The following ZNF541 variants were observed in gnomAD, a reference collection of about 807,000 sequenced individuals.
ZNF541 encodes zinc finger protein 541.
ZNF541 carries 23 observed loss-of-function variants against 123.5 expected under a neutral mutation model. The ratio of observed to expected loss-of-function variants is 0.19; its 90% CI spans 0.13 to 0.26. ZNF541 has a LOEUF of 0.26. ZNF541 is among the 10% of genes least tolerant of loss of function. The probability of loss-of-function intolerance (pLI) is 1.00; values close to 1 mark genes in which losing one functional copy is unlikely to be tolerated. For missense variants in ZNF541, 1,612 were observed against 1,789.9 expected, an observed-to-expected ratio of 0.90 and a Z score of 1.79; for synonymous variants, 751 against 754.5, an observed-to-expected ratio of 1.00 and a Z score of 0.08.
Position 47,545,418 on chromosome 19 carries a change from C to G in ZNF541, c.1111G>C (p.Asp371His). The change falls in exon 5 of 17, where the codon GAT becomes CAT. Residue 371 changes from aspartate to histidine, a missense_variant. Asp to His is a moderately conservative substitution (Grantham distance 81). Transcript: ENST00000391901. This position sits in a 1 kb window ranked among gnomAD's most constrained non-coding sequence, Gnocchi z 7.5. ...GACCGGGCCTGGAGCAGCGCGGTAT[C>G]TGGCTCCGGCTCTGGCGGGTCGGGG... ...GAPDPPEPEP[D>H]TALLQARSTA... 1 of 1,489,294 alleles carries G rather than the reference C, an allele frequency of 6.7e-7. No individual in the cohort carries two copies. Among genetic ancestry groups the G allele is most frequent in the Non-Finnish European group, 9.0e-7 (1 of 1,117,018 alleles). The allele number at this position is 1,489,294 out of a possible 1,614,324, so 92.3% of individuals were successfully genotyped here.
Position 47,545,869 on chromosome 19 carries a change from A to G in ZNF541, c.660T>C (p.His220=). The G allele has an allele frequency of 6.5e-7, 1 of 1,549,678 alleles. No homozygotes were observed. The highest frequency in any genetic ancestry group is 1.4e-5 in the African/African-American group (1 of 73,112). The change falls in exon 5 of 17, where the codon CAT becomes CAC. Residue 220 remains histidine (H), a synonymous_variant. Transcript: ENST00000391901. The surrounding 1 kb of genome is among the most constrained non-coding windows in gnomAD (Gnocchi z 7.5). ...YRSLRRHYEV[H]HGLCILKEAP... ...CTTCCTTCAGGATGCACAGGCCGTG[A>G]TGGACCTCGTAGTGCCGGCGCAGAG... is the stretch of plus-strand genomic sequence containing the variant.
chr19:47,543,789 T>C (rs1970183450), intron 5 of ZNF541, among the ~76,000 whole-genome samples: 1 of 151,846 alleles, frequency 6.6e-6, no homozygotes, highest in Non-Finnish European at 1.5e-5. Flanking sequence ...ACCACAGGCG[T>C]GTGCCACCAC....
chr19:47,538,219 C>T lies in ZNF541; in HGVS notation c.3017G>A (p.Gly1006Asp), dbSNP rs1317190132. ...GAGGGTGTTGAAGTACACCCCAGAG[C>T]CCTCCCGGATGGGGCTGAGCATTGG... ...PPPMLSPIREGSGVYFNTLCS... is the reference protein window; with the variant it reads ...PPPMLSPIREDSGVYFNTLCS... Residue 1006 changes from glycine (G) to aspartate (D), a missense_variant, in exon 9 of 17, where the codon GGC (glycine) becomes GAC (aspartate). Transcript: ENST00000391901. The T allele has an allele frequency of 6.4e-7, 1 of 1,551,466 alleles. No individual in the cohort carries two copies. Among genetic ancestry groups the T allele is most frequent in the African/African-American group, 1.4e-5 (1 of 73,026 alleles).
At chr19:47,535,541 A>G (rs1300298521) in intron 9 of ZNF541, among the ~76,000 whole-genome samples, 10 of 152,220 alleles carry the variant, frequency 6.6e-5, no homozygotes, top group Non-Finnish European at 1.5e-4. Flanking sequence ...ACAATCCGGC[A>G]GTTTGTAAAC....
At chr19:47,553,295 G>A (rs1232028577) in intron 3 of ZNF541, among the ~76,000 whole-genome samples, 2 of 151,702 alleles carry the variant, frequency 1.3e-5, no homozygotes, top group East Asian at 3.9e-4. Context: ...CTGGAGTGCA[G>A]TAGCATGATC....
At chr19:47,536,940 G>A (rs2123032457) in intron 9 of ZNF541, among the ~76,000 whole-genome samples, 1 of 152,274 alleles carries the variant, frequency 6.6e-6, no homozygotes, top group Admixed American at 6.5e-5. Flanking sequence ...ACAATATGAA[G>A]GGACTCTGAA....
At chr19:47,535,485 C>T (rs534767785) in intron 9 of ZNF541, among the ~76,000 whole-genome samples, 8 of 152,214 alleles carry the variant, frequency 5.3e-5, no homozygotes, top group African/African-American at 1.2e-4. Flanking sequence ...TGAAAATGTT[C>T]ATATACTGCT....
At chr19:47,524,882 A>G (rs75124082) in intron 14 of ZNF541, among the ~76,000 whole-genome samples, 2 of 152,086 alleles carry the variant, frequency 1.3e-5, no homozygotes, top group South Asian at 2.1e-4. Flanking sequence ...TAGATCTTAA[A>G]AGAAATAAGA....
At chr19:47,546,913 T>C (rs1032576405) in intron 4 of ZNF541, among the ~76,000 whole-genome samples, 1 of 152,036 alleles carries the variant, frequency 6.6e-6, no homozygotes, top group African/African-American at 2.4e-5. Context: ...AGAGACGGGG[T>C]TTTGCCTTGT....
chr19:47,528,872 C>T (rs1568484330), intron 14 of ZNF541, 78 bp downstream of exon 14: 3 of 1,253,678 alleles, frequency 2.4e-6, no homozygotes, highest in Non-Finnish European at 3.4e-6. Context: ...GCCCTCCGAC[C>T]CCCGACCAGC....
chr19:47,529,911 G>A (rs142085688), intron 12 of ZNF541, among the ~76,000 whole-genome samples: 2 of 152,288 alleles, frequency 1.3e-5, no homozygotes, highest in African/African-American at 4.8e-5. Context: ...GACTGTGTGT[G>A]GATTTATTCT....
At chr19:47,560,979 CG>C (rs1169765665) in intron 2 of ZNF541, among the ~76,000 whole-genome samples, 1 of 151,504 alleles carries the variant, frequency 6.6e-6, no homozygotes, top group African/African-American at 2.4e-5. Context: ...GATTACATAC[CG>C]AAAAAAAAGA....
intron 10 of ZNF541, 61 bp downstream of exon 10, chr19:47,532,846 GAA>G: frequency 6.7e-7 from 1 of 1,503,308 alleles, no homozygotes; most frequent in Admixed American, 2.0e-5. Flanking sequence ...GAACCCTTGG[GAA>G]AAGTGACACT....
chr19:47,526,150 T>C (rs1387704408), intron 14 of ZNF541, among the ~76,000 whole-genome samples: 2 of 152,046 alleles, frequency 1.3e-5, no homozygotes, highest in Admixed American at 6.6e-5. Context: ...ATAAATGACG[T>C]GTCCTGAATC....
chr19:47,525,219 A>G (rs529918578), intron 14 of ZNF541, among the ~76,000 whole-genome samples: 1 of 152,040 alleles, frequency 6.6e-6, no homozygotes, highest in Non-Finnish European at 1.5e-5. Flanking sequence ...CGGGAGGTGG[A>G]CGTTGCAGTG....
Position 47,521,023 on chromosome 19 carries a change from C to T in ZNF541, c.*201G>A, listed in dbSNP as rs1308530338. The T allele has an allele frequency of 1.3e-5, 8 of 607,600 alleles. No homozygotes were observed. Among genetic ancestry groups the T allele is most frequent in the Non-Finnish European group, 2.0e-5 (7 of 351,354 alleles). The allele number at this position is 607,600 out of a possible 1,614,324, so 37.6% of individuals were successfully genotyped here. Reference sequence around the variant, plus strand: ...AGGAGAGTGGAGCCTCCAGCACCACCGGACAGGGACTGCATAGCTGTCCGA... The same window carrying T: ...AGGAGAGTGGAGCCTCCAGCACCACTGGACAGGGACTGCATAGCTGTCCGA... On this transcript the variant is annotated 3_prime_UTR_variant, in exon 17 of 17. Transcript: ENST00000391901. This position sits in a 1 kb window ranked among gnomAD's most constrained non-coding sequence, Gnocchi z 4.2.
chr19:47,536,883 G>C (rs906912524), intron 9 of ZNF541, among the ~76,000 whole-genome samples: 2 of 152,148 alleles, frequency 1.3e-5, no homozygotes, highest in Admixed American at 6.6e-5. Context: ...ATCTGTACAA[G>C]GGAAAAATGT....
In ZNF541 at chr19:47,545,373, C is replaced by T; in HGVS notation, c.1156G>A (p.Glu386Lys). 6.5e-7 allele frequency: 1 copy of T among 1,532,222 alleles called. No homozygotes were observed. Among genetic ancestry groups the T allele is most frequent in the African/African-American group, 1.4e-5 (1 of 72,648 alleles). 94.9% of individuals were successfully genotyped at this position (1,532,222 alleles called of 1,614,324 possible). Residue 386 changes from glutamate to lysine, a missense_variant, in exon 5 of 17, where the codon GAA becomes AAA. Physicochemically the swap from Glu to Lys is moderately conservative, Grantham distance 56. Coordinates refer to ENST00000391901, the MANE Select transcript of ZNF541 (RefSeq NM_001277075.3). This position sits in a 1 kb window ranked among gnomAD's most constrained non-coding sequence, Gnocchi z 7.5. ...AGGCAGGCAGGCACGGAGCCGCCTT[C>T]GGGCCAGCACTCCGCGGTGGACCGG... is the stretch of plus-strand genomic sequence containing the variant. ...QARSTAECWPEGGSVPACLPL... is the reference protein window; with the variant it reads ...QARSTAECWPKGGSVPACLPL...
In ZNF541 at chr19:47,538,357, G is replaced by T. The variant is rs748545726; in HGVS notation, c.2879C>A (p.Thr960Lys). 18 of 1,544,280 alleles carry T rather than the reference G, an allele frequency of 1.2e-5. No homozygotes were observed. The East Asian group carries it at 4.4e-4, about 38-fold the overall frequency. The change falls in exon 9 of 17, where the codon ACG (threonine) becomes AAG (lysine). Residue 960 changes from threonine to lysine, a missense_variant. Coordinates refer to ENST00000391901, the MANE Select transcript of ZNF541 (RefSeq NM_001277075.3). ...RKRKKRPPPS[T>K]AGEPGPAGCH... Reference sequence around the variant, plus strand: ...TCCTGCAGGGCCAGGCTCCCCAGCCGTGGAGGGTGGGGGCCGCTTCTTCCG... The same window carrying T: ...TCCTGCAGGGCCAGGCTCCCCAGCCTTGGAGGGTGGGGGCCGCTTCTTCCG...
Sources: allele counts gnomAD v4.1 joint callset (sites outside exome capture counted in the v4.1 genomes callset), GRCh38; gene constraint gnomAD v4.1.1; non-coding constraint Gnocchi (gnomAD v3.1); transcripts MANE v1.5; gene names NCBI Gene and HGNC (gene_info 2026-07-23, HGNC 2026-07-21).